The following TRAK1 variants were observed in gnomAD, a reference collection of about 807,000 sequenced individuals.
The protein encoded by TRAK1 is trafficking kinesin protein 1, also known as trafficking kinesin-binding protein 1.
A neutral mutation model predicts 92.1 loss-of-function variants in TRAK1; 33 were observed. That is an observed-to-expected ratio of 0.36 (90% CI 0.27 to 0.48). The LOEUF is 0.48. Ranked by LOEUF, TRAK1 falls within the 20% of genes least tolerant of loss-of-function variation. The pLI is 0.99. For missense variants in TRAK1, 1,123 were observed against 1,257.9 expected (o/e 0.89, Z 1.62); for synonymous variants, 521 against 517.3 (o/e 1.01, Z -0.10).
intron 1 of TRAK1, among the ~76,000 whole-genome samples, chr3:42,115,445 C>T (rs1530736): frequency 0.62 from 94,501 of 151,986 alleles, 29,693 homozygotes; most frequent in South Asian, 0.77. Flanking sequence ...ACGGCTGAGT[C>T]GGCTGGATTG....
rs1706060494 is a variant in TRAK1 at position 42,193,138 on chromosome 3, C to T, written c.833C>T (p.Ala278Val). ...EELAKKTEDA[A>V]RQQEEITHLL... ...CTGGCCAAGAAGACGGAAGATGCTG[C>T]CCGCCAGCAAGAGGAGATCACACAC... Residue 278 changes from alanine to valine, a missense_variant, in exon 8 of 16, where the codon GCC becomes GTC. Transcript: ENST00000327628. The T allele has an allele frequency of 5.0e-6, 8 of 1,614,204 alleles. No homozygotes were observed. Among genetic ancestry groups the T allele is most frequent in the Non-Finnish European group, 6.8e-6 (8 of 1,180,024 alleles).
chr3:42,057,569 C>A (rs764217827), intron 1 of TRAK1, among the ~76,000 whole-genome samples: 12 of 151,950 alleles, frequency 7.9e-5, no homozygotes, highest in Non-Finnish European at 1.3e-4. Flanking sequence ...GTGACTGGGC[C>A]GATTGGGATC....
chr3:42,199,856 C>T (rs1275720728), intron 11 of TRAK1, among the ~76,000 whole-genome samples: 1 of 152,244 alleles, frequency 6.6e-6, no homozygotes, highest in Non-Finnish European at 1.5e-5. Flanking sequence ...TCTCTCTTAA[C>T]ACAAGCTTTG....
chr3:42,180,103 T>C (rs1481751963), intron 3 of TRAK1, among the ~76,000 whole-genome samples: 3 of 152,202 alleles, frequency 2.0e-5, no homozygotes, highest in Non-Finnish European at 4.4e-5. Flanking sequence ...GAGGTTTTTT[T>C]CATTCTTATA....
At chr3:42,101,746 A>G (rs894900502) in intron 1 of TRAK1, among the ~76,000 whole-genome samples, 1 of 152,264 alleles carries the variant, frequency 6.6e-6, no homozygotes. Context: ...GTTTCCCCTT[A>G]AGCCATAGTT....
chr3:42,216,049 A>G (rs2149529470), intron 14 of TRAK1, among the ~76,000 whole-genome samples: 1 of 152,322 alleles, frequency 6.6e-6, no homozygotes, highest in South Asian at 2.1e-4. Flanking sequence ...AAAATGCATG[A>G]GCAGGTGTGT....
chr3:42,145,182 T>C (rs1269748274), intron 2 of TRAK1, among the ~76,000 whole-genome samples: 1 of 152,216 alleles, frequency 6.6e-6, no homozygotes, highest in Admixed American at 6.5e-5. Context: ...AACAACTGCC[T>C]AATTAAGAAT....
chr3:42,158,415 A>G (rs558366186), intron 2 of TRAK1, among the ~76,000 whole-genome samples: 3 of 152,254 alleles, frequency 2.0e-5, no homozygotes, highest in Admixed American at 1.3e-4. Context: ...GTCATTCACA[A>G]CACCTTATAG....
intron 14 of TRAK1, chr3:42,217,372 C>G: frequency 1.0e-6 from 1 of 985,376 alleles, no homozygotes; most frequent in African/African-American, 1.7e-5. Context: ...GTTGATCTTC[C>G]TTGGTCTTCT....
chr3:42,194,973 A>T (rs1349496017), intron 10 of TRAK1, 32 bp downstream of exon 10: 1 of 1,611,360 alleles, frequency 6.2e-7, no homozygotes, highest in South Asian at 1.1e-5. Flanking sequence ...GCCAGAGGAC[A>T]GGAGGGGTTC....
At chr3:42,214,750 G>T (rs2149524528) in intron 14 of TRAK1, among the ~76,000 whole-genome samples, 1 of 152,282 alleles carries the variant, frequency 6.6e-6, no homozygotes, top group Non-Finnish European at 1.5e-5. Context: ...AACCTCCCAG[G>T]TTCCTGCTGG....
At chr3:42,195,041 C>T (rs1197296358) in intron 10 of TRAK1, 100 bp downstream of exon 10, 26 of 1,444,260 alleles carry the variant, frequency 1.8e-5, no homozygotes, top group South Asian at 2.7e-5. Flanking sequence ...GTTCACAGTT[C>T]GCTTCTCGTT....
At chr3:42,138,916 T>TGTGTTTGGAGGGGGG in intron 2 of TRAK1, among the ~76,000 whole-genome samples, 1 of 146,198 alleles carries the variant, frequency 6.8e-6, no homozygotes, top group African/African-American at 2.5e-5. Flanking sequence ...TGTGTGTGTG[T>TGTGTTTGGAGGGGGG]GTGTGTGTTT....
chr3:42,074,526 A>G (rs1704065524), intron 1 of TRAK1, among the ~76,000 whole-genome samples: 1 of 152,204 alleles, frequency 6.6e-6, no homozygotes, highest in African/African-American at 2.4e-5. Flanking sequence ...AAGGTCTTGG[A>G]GTGCCCACCC....
chr3:42,061,119 G>A (rs922107966), intron 1 of TRAK1, among the ~76,000 whole-genome samples: 3 of 152,102 alleles, frequency 2.0e-5, no homozygotes, highest in Non-Finnish European at 4.4e-5. Context: ...CTTTGTTATG[G>A]TATAATTTTA....
intron 1 of TRAK1, among the ~76,000 whole-genome samples, chr3:42,023,047 A>G (rs1701779250): frequency 6.7e-6 from 1 of 149,746 alleles, no homozygotes; most frequent in African/African-American, 2.5e-5. Flanking sequence ...AGTCCCAGCT[A>G]CTCAGGAGGC....
At chr3:42,076,216 C>CTTTTTTTTTT (rs3073733) in intron 1 of TRAK1, among the ~76,000 whole-genome samples, 1 of 62,684 alleles carries the variant, frequency 1.6e-5, no homozygotes, top group African/African-American at 8.0e-5. Flanking sequence ...GATATTAGAC[C>CTTTTTTTTTT]TTTTTTTTTT....
chr3:42,057,694 C>T (rs998914214), intron 1 of TRAK1, among the ~76,000 whole-genome samples: 1 of 152,008 alleles, frequency 6.6e-6, no homozygotes, highest in African/African-American at 2.4e-5. Flanking sequence ...GAGCACTGAC[C>T]TGCTGTGTGT....
chr3:42,097,955 TGA>T lies in TRAK1; in HGVS notation c.91+6396_91+6397del, dbSNP rs1418623418. 1.1e-4 allele frequency among the ~76,000 whole-genome samples: 17 copies of T among 152,296 alleles called. No homozygotes were observed. The East Asian group carries it at 3.3e-3, about 29-fold the overall frequency. On this transcript the variant is annotated intron_variant, in intron 1 of 15. Coordinates refer to ENST00000327628, the MANE Select transcript of TRAK1 (RefSeq NM_001042646.3). ...CAACTATGTGAACACCAGGGTCCAG[TGA>T]TGTTTCTATTTCCGGAGGAGTATCT...
Sources: allele counts gnomAD v4.1 joint callset (sites outside exome capture counted in the v4.1 genomes callset), GRCh38; gene constraint gnomAD v4.1.1; transcripts MANE v1.5; gene names NCBI Gene and HGNC (gene_info 2026-07-23, HGNC 2026-07-21).